The following SETD1B variants were observed in gnomAD, a reference collection of about 807,000 sequenced individuals.
SETD1B encodes SET domain containing 1B, histone lysine methyltransferase, also known as histone-lysine N-methyltransferase SETD1B.
SETD1B carries 7 observed loss-of-function variants against 148.0 expected under a neutral mutation model. The ratio of observed to expected loss-of-function variants is 0.05; its 90% CI spans 0.03 to 0.09. SETD1B has a LOEUF of 0.09. Among genes scored for constraint, SETD1B ranks in the 10% least tolerant of loss-of-function variants. The pLI, the probability that SETD1B is intolerant of heterozygous loss-of-function variation, is 1.00. For synonymous variants in SETD1B, 1,361 were observed against 1,186.5 expected (o/e 1.15, Z -3.02); for missense variants, 2,155 against 2,729.9 (o/e 0.79, Z 4.69).
chr12:121,793,703 GGGGCC>G, the SETD1B span: 35 of 1,375,382 alleles, frequency 2.5e-5, no homozygotes, highest in African/African-American at 4.3e-4. Flanking sequence ...GGGGCGGGGC[GGGGCC>G]GGAACCAGCC....
In SETD1B at chr12:121,817,657, C is replaced by G; in HGVS notation, c.3265C>G (p.Pro1089Ala). Residue 1089 changes from proline (P) to alanine (A), a missense_variant, in exon 9 of 17, where the codon CCC (proline) becomes GCC (alanine). Physicochemically the swap from Pro to Ala is conservative, Grantham distance 27. Transcript: ENST00000604567. The surrounding 1 kb of genome is among the most constrained non-coding windows in gnomAD (Gnocchi z 8.1). ...GGAGGAGGAGGAGGAGGAGGAAGTC[C>G]CCAGGAGCCAGCTCTCCTCCTCCTC... ...EAEEEEEEEV[P>A]RSQLSSSSTS... 1 of 1,550,790 alleles carries G rather than the reference C, an allele frequency of 6.4e-7. No individual in the cohort carries two copies. Among genetic ancestry groups the G allele is most frequent in the Non-Finnish European group, 8.7e-7 (1 of 1,146,672 alleles).
chr12:121,796,257 A>T, the SETD1B span: 2 of 152,662 alleles, frequency 1.3e-5, no homozygotes, highest in East Asian at 3.9e-4. Context: ...AGAGTTTGAG[A>T]AAGCAAGAAA....
At chr12:121,829,138 A>G (rs1191927973) in intron 16 of SETD1B, among the ~76,000 whole-genome samples, 1 of 152,092 alleles carries the variant, frequency 6.6e-6, no homozygotes, top group Non-Finnish European at 1.5e-5. Flanking sequence ...AAGCTGAGGA[A>G]CTAAGTTTCT....
Position 121,822,731 on chromosome 12 carries a change from C to A in SETD1B, c.4152C>A (p.Gly1384=). Residue 1384 remains glycine (G), a synonymous_variant, in exon 12 of 17, where the codon GGC becomes GGA. Coordinates refer to ENST00000604567, the MANE Select transcript of SETD1B (RefSeq NM_001353345.2). ...CAGAGACGGTGCCAGCCACACCAGG[C>A]GGGGAGCCCCCGCTATCAGGGGGCA... ...QSTETVPATP[G]GEPPLSGGSS... The A allele has an allele frequency of 6.6e-7, 1 of 1,519,374 alleles. No homozygotes were observed. Among genetic ancestry groups the A allele is most frequent in the Non-Finnish European group, 8.9e-7 (1 of 1,125,712 alleles). The allele number at this position is 1,519,374 out of a possible 1,614,324, so 94.1% of individuals were successfully genotyped here. A position where few individuals can be genotyped will look rare whatever the true frequency, so the allele number is the denominator to read the frequency against.
At chr12:121,806,725 G>C (rs1183106185) in intron 4 of SETD1B, among the ~76,000 whole-genome samples, 2 of 152,228 alleles carry the variant, frequency 1.3e-5, no homozygotes, top group East Asian at 3.9e-4. Flanking sequence ...GGTTGACACT[G>C]TGTCTTCCCT....
In SETD1B at chr12:121,827,501, G is replaced by A. The variant is rs1030879701; in HGVS notation, c.5338-18G>A. 1.1e-5 allele frequency: 16 copies of A among 1,522,554 alleles called. No individual in the cohort carries two copies. Among genetic ancestry groups the A allele is most frequent in the South Asian group, 3.6e-5 (3 of 82,810 alleles). 94.3% of individuals were successfully genotyped at this position (1,522,554 alleles called of 1,614,324 possible). On this transcript the variant is annotated intron_variant, in intron 13 of 16. Coordinates refer to ENST00000604567, the MANE Select transcript of SETD1B (RefSeq NM_001353345.2). ...GACACGGCCAGCTCCGCTGAGCCCC[G>A]CACACCGTCCACTGCAGGGCATGAG...
rs905132009 is a variant in SETD1B at position 121,810,747 on chromosome 12, C to A, written c.1802C>A (p.Pro601Gln). The A allele has an allele frequency of 6.4e-7, 1 of 1,550,772 alleles. No individual in the cohort carries two copies. Among genetic ancestry groups the A allele is most frequent in the Non-Finnish European group, 8.7e-7 (1 of 1,146,512 alleles). ...CGGCCTCCACCTGAGCCAGGCCCCCCGGACCCTGCTGGGCTTCTGAGCCAG... is the reference window on the plus strand; with the variant it reads ...CGGCCTCCACCTGAGCCAGGCCCCCAGGACCCTGCTGGGCTTCTGAGCCAG... Reference protein sequence around the residue: ...GPRPPPEPGPPDPAGLLSQTA... With the variant: ...GPRPPPEPGPQDPAGLLSQTA... Residue 601 changes from proline (P) to glutamine (Q), a missense_variant, in exon 6 of 17, where the codon CCG becomes CAG. Physicochemically the swap from Pro to Gln is moderately conservative, Grantham distance 76. Around this residue, in one of 11 missense-constraint regions of SETD1B, gnomAD observed 295 missense variants for 303.8 expected, o/e 0.97. Transcript: ENST00000604567. This position sits in a 1 kb window ranked among gnomAD's most constrained non-coding sequence, Gnocchi z 7.6.
At chr12:121,807,457 A>G (rs74670302) in intron 4 of SETD1B, among the ~76,000 whole-genome samples, 7 of 144,482 alleles carry the variant, frequency 4.8e-5, no homozygotes, top group Admixed American at 1.4e-4. Flanking sequence ...AAAAAAAAAA[A>G]AAAAGAAAAG....
In SETD1B at chr12:121,823,650, G is replaced by C; in HGVS notation, c.5071G>C (p.Glu1691Gln). Residue 1691 changes from glutamate (E) to glutamine (Q), a missense_variant, in exon 12 of 17, where the codon GAG becomes CAG. Physicochemically the swap from Glu to Gln is conservative, Grantham distance 29 (BLOSUM62 2). Transcript: ENST00000604567. Reference protein sequence around the residue: ...LYDIWNGGIDEEDIRFLCVTY... With the variant: ...LYDIWNGGIDQEDIRFLCVTY... Reference sequence around the variant, plus strand: ...TGACATCTGGAACGGTGGCATCGATGAGGAGGACATCCGCTTCCTGTGTGT... The same window carrying C: ...TGACATCTGGAACGGTGGCATCGATCAGGAGGACATCCGCTTCCTGTGTGT... The C allele has an allele frequency of 3.2e-6, 5 of 1,551,608 alleles. No individual in the cohort carries two copies. The highest frequency in any genetic ancestry group is 1.4e-5 in the African/African-American group (1 of 73,176).
chr12:121,822,663 C>T lies in SETD1B; in HGVS notation c.4084C>T (p.His1362Tyr). 1.3e-6 allele frequency: 2 copies of T among 1,550,396 alleles called. No homozygotes were observed. Among genetic ancestry groups the T allele is most frequent in the African/African-American group, 1.4e-5 (1 of 73,134 alleles). ...GCCCCTTGCCGAGGACCACCCCCCG[C>T]ATACTCCAGGCCTCTGTGGCAGCCT... ...PEPLAEDHPP[H>Y]TPGLCGSLAK... The change falls in exon 12 of 17, where the codon CAT becomes TAT. Residue 1362 changes from histidine to tyrosine, a missense_variant. His to Tyr is a moderately conservative substitution (Grantham distance 83). Transcript: ENST00000604567.
chr12:121,801,661 T>C (rs566425431), upstream of SETD1B: 1 of 152,672 alleles, frequency 6.5e-6, no homozygotes, highest in Admixed American at 6.5e-5. Context: ...TTTTTTGATT[T>C]AGTTGGGAAA....
intron 11 of SETD1B, among the ~76,000 whole-genome samples, chr12:121,820,314 G>C (rs1330054446): frequency 6.6e-6 from 1 of 152,226 alleles, no homozygotes; most frequent in African/African-American, 2.4e-5. Flanking sequence ...GCTGCACAGA[G>C]CATATGAGAA....
chr12:121,793,360 C>G, the SETD1B span: 1 of 1,436,372 alleles, frequency 7.0e-7, no homozygotes, highest in Non-Finnish European at 9.5e-7. Flanking sequence ...CCGCTGGGCT[C>G]TGGAATTCCC....
chr12:121,801,023 T>G (rs2095943332), upstream of SETD1B: 1 of 151,742 alleles, frequency 6.6e-6, no homozygotes, highest in African/African-American at 2.4e-5. Context: ...AGAAAACTGG[T>G]GTTTGGGAGG....
At chr12:121,816,151 A>G (rs192387180) in intron 7 of SETD1B, among the ~76,000 whole-genome samples, 1 of 151,864 alleles carries the variant, frequency 6.6e-6, no homozygotes, top group Non-Finnish European at 1.5e-5. Flanking sequence ...TTAACATATT[A>G]TTTGCCTGTT....
In SETD1B at chr12:121,825,300, G is replaced by A. The variant is rs1451001021; in HGVS notation, c.5271G>A (p.Lys1757=). ...ARSEGFYTID[K]KDKLRYLNSS... ...GTGAGGGCTTCTACACCATCGACAAGAAGGACAAGCTCAGATACCTCAACA... is the reference window on the plus strand; with the variant it reads ...GTGAGGGCTTCTACACCATCGACAAAAAGGACAAGCTCAGATACCTCAACA... Residue 1757 remains lysine (K), a synonymous_variant, in exon 13 of 17, where the codon AAG becomes AAA. Coordinates refer to ENST00000604567, the MANE Select transcript of SETD1B (RefSeq NM_001353345.2). 3 of 1,551,758 alleles carry A rather than the reference G, an allele frequency of 1.9e-6. No homozygotes were observed. The highest frequency in any genetic ancestry group is 2.6e-6 in the Non-Finnish European group (3 of 1,147,086).
the SETD1B span, among the ~76,000 whole-genome samples, chr12:121,791,242 C>T: frequency 2.6e-5 from 4 of 152,194 alleles, no homozygotes; most frequent in Non-Finnish European, 5.9e-5. Context: ...TCTCCTGCCT[C>T]AGCCTCCCGA....
intron 6 of SETD1B, among the ~76,000 whole-genome samples, chr12:121,812,174 C>T (rs373418031): frequency 2.6e-5 from 4 of 152,250 alleles, no homozygotes; most frequent in East Asian, 3.9e-4. Context: ...GGAATAGCGC[C>T]TGGGCTTTCT....
At chr12:121,829,988 G>C in intron 16 of SETD1B, 78 bp from the exon 17 acceptor site, 6 of 1,382,936 alleles carry the variant, frequency 4.3e-6, no homozygotes, top group African/African-American at 1.4e-5. Flanking sequence ...GCACAGGCCT[G>C]GTTGGGTTTG....
Sources: allele counts gnomAD v4.1 joint callset (sites outside exome capture counted in the v4.1 genomes callset), GRCh38; gene constraint gnomAD v4.1.1; regional missense constraint gnomAD v4.1.1; non-coding constraint Gnocchi (gnomAD v3.1); transcripts MANE v1.5; gene names NCBI Gene and HGNC (gene_info 2026-07-23, HGNC 2026-07-21).